The following RASSF5 variants were observed in gnomAD, a reference collection of about 807,000 sequenced individuals.
RASSF5 encodes Ras association domain family member 5.
Under a neutral mutation model 40.5 loss-of-function variants are expected in RASSF5, and 25 were observed. That is an observed-to-expected ratio of 0.62 (90% CI 0.45 to 0.86). RASSF5 has a LOEUF of 0.86. RASSF5 is among the 40% of genes least tolerant of loss of function. The probability of loss-of-function intolerance (pLI) is 0.00; values close to 1 mark genes in which losing one functional copy is unlikely to be tolerated. For missense variants in RASSF5, 521 were observed against 572.8 expected, an observed-to-expected ratio of 0.91 and a Z score of 0.92; for synonymous variants, 246 against 252.4, an observed-to-expected ratio of 0.97 and a Z score of 0.24.
chr1:206,571,926 G>C (rs375356474), intron 2 of RASSF5, among the ~76,000 whole-genome samples: 42 of 152,248 alleles, frequency 2.8e-4, no homozygotes, highest in African/African-American at 9.6e-4. Flanking sequence ...TCAGAAGATT[G>C]AGTGTCACCC....
intron 2 of RASSF5, among the ~76,000 whole-genome samples, chr1:206,546,777 T>A (rs1290612357): frequency 6.6e-6 from 1 of 152,222 alleles, no homozygotes; most frequent in Non-Finnish European, 1.5e-5. Flanking sequence ...ACCAAACCTA[T>A]TTTCTTATGA....
At position 206,584,742 on chromosome 1, in the gene RASSF5, C is replaced by T. The variant is rs1423861260; in HGVS notation, c.988+58C>T. 1.3e-6 allele frequency: 2 copies of T among 1,584,208 alleles called. No individual in the cohort carries two copies. Among genetic ancestry groups the T allele is most frequent in the Admixed American group, 1.7e-5 (1 of 57,874 alleles). On this transcript the variant is annotated intron_variant, in intron 4 of 5. Coordinates refer to ENST00000579436, the MANE Select transcript of RASSF5 (RefSeq NM_182663.4). This position sits in a 1 kb window ranked among gnomAD's most constrained non-coding sequence, Gnocchi z 4.9. ...CCCTTCCTACCTGTGTCCAAGCCCA[C>T]CCACTAAAACTCCTGCCGGCCTTGG...
At position 206,587,370 on chromosome 1, in the gene RASSF5, G is replaced by T. The variant is rs535366520; in HGVS notation, c.*392G>T. 3.5e-5 allele frequency: 11 copies of T among 315,334 alleles called. No homozygotes were observed. In the East Asian group the frequency reaches 9.8e-4, roughly 28 times the overall value. The allele number at this position is 315,334 out of a possible 1,614,324, so 19.5% of individuals were successfully genotyped here. ...TTCTCTGGCATTGATTCCTCTTTGA[G>T]TTCTCTTACTTGCCACGTACAGGAC... On this transcript the variant is annotated 3_prime_UTR_variant, in exon 6 of 6. Transcript: ENST00000579436.
chr1:206,529,161 G>A, intron 1 of RASSF5: 5 of 1,505,908 alleles, frequency 3.3e-6, no homozygotes, highest in Non-Finnish European at 3.6e-6. Flanking sequence ...GTTCACCCAG[G>A]CCCTGGACCG....
intron 2 of RASSF5, 142 bp from the exon 3 acceptor site, chr1:206,583,127 C>T: frequency 1.6e-6 from 1 of 616,068 alleles, no homozygotes; most frequent in African/African-American, 1.8e-5. Context: ...CATTGTCTCA[C>T]TCCGAGTCCG....
At chr1:206,533,959 C>T (rs1192905643) in intron 1 of RASSF5, among the ~76,000 whole-genome samples, 1 of 152,166 alleles carries the variant, frequency 6.6e-6, no homozygotes, top group African/African-American at 2.4e-5. Context: ...AGTCATGCAG[C>T]TGCACACCAA....
chr1:206,557,273 G>A, intron 2 of RASSF5: 3 of 1,162,728 alleles, frequency 2.6e-6, no homozygotes, highest in Admixed American at 4.8e-5. Flanking sequence ...ACACGAAACC[G>A]CAGAGCCCGG....
chr1:206,518,512 A>G (rs1666821064), intron 1 of RASSF5: 1 of 398,642 alleles, frequency 2.5e-6, no homozygotes, highest in Admixed American at 4.4e-5. Context: ...CAGATCCTGC[A>G]GAGGTTCCGC....
chr1:206,566,853 C>G (rs1668303266), intron 2 of RASSF5, among the ~76,000 whole-genome samples: 1 of 152,136 alleles, frequency 6.6e-6, no homozygotes, highest in Admixed American at 6.5e-5. Flanking sequence ...GACCAGGGAC[C>G]ATAGCTTGTT....
intron 1 of RASSF5, among the ~76,000 whole-genome samples, chr1:206,521,228 G>C (rs1250893700): frequency 7.9e-5 from 12 of 152,216 alleles, no homozygotes; most frequent in Non-Finnish European, 1.8e-4. Flanking sequence ...TGGTGGTCCT[G>C]GCTGCAGCGA....
chr1:206,545,351 T>G (rs908877652), intron 2 of RASSF5, among the ~76,000 whole-genome samples: 4 of 150,924 alleles, frequency 2.7e-5, no homozygotes, highest in Middle Eastern at 3.2e-3. Flanking sequence ...TTGTGTTTTT[T>G]TTTTTTTTTT....
rs1553398906 is a variant in RASSF5 at position 206,538,194 on chromosome 1, A to G, written c.480A>G (p.Pro160=). ...CAGACTGTAAATTCACCTGTCACCC[A>G]GAATGCCGCAGCCTGATCCAGTTGG... The part of the protein sequence containing the change: ...RCTNCKFTCH[P]ECRSLIQLDC... Residue 160 remains proline, a synonymous_variant, in exon 2 of 6, where the codon CCA becomes CCG. Transcript: ENST00000579436. 3 of 1,614,214 alleles carry G rather than the reference A, an allele frequency of 1.9e-6. No individual in the cohort carries two copies. Among genetic ancestry groups the G allele is most frequent in the Admixed American group, 3.3e-5 (2 of 60,026 alleles).
chr1:206,578,233 A>AGAGT lies in RASSF5; in HGVS notation c.580-5035_580-5034insAGTG, dbSNP rs782121565. ...AGAGGGAGACATCTCAAAAAAAAAA[A>AGAGT]GTGTGTGTGTGTGTGTGTGTGTGTG... On this transcript the variant is annotated intron_variant, in intron 2 of 5. Transcript: ENST00000579436. Among the ~76,000 whole-genome samples, 771 of 117,584 alleles carry AGAGT rather than the reference A, an allele frequency of 6.6e-3. 9 individuals carry two copies. Among genetic ancestry groups the AGAGT allele is most frequent in the African/African-American group, 0.023 (722 of 31,976 alleles). 77.1% of individuals were successfully genotyped at this position (117,584 alleles called of 152,430 possible). A position where few individuals can be genotyped will look rare whatever the true frequency, so the allele number is the denominator to read the frequency against.
At chr1:206,550,895 A>C (rs1312187268) in intron 2 of RASSF5, among the ~76,000 whole-genome samples, 2 of 152,206 alleles carry the variant, frequency 1.3e-5, no homozygotes, top group Non-Finnish European at 2.9e-5. Flanking sequence ...GCACAAATCC[A>C]TGTGCCTGCC....
At chr1:206,574,345 A>T (rs1668556532) in intron 2 of RASSF5, among the ~76,000 whole-genome samples, 1 of 151,778 alleles carries the variant, frequency 6.6e-6, no homozygotes, top group Admixed American at 6.6e-5. Context: ...TCACCTGCAG[A>T]CTCCCAAGGA....
intron 2 of RASSF5, among the ~76,000 whole-genome samples, chr1:206,562,877 G>C (rs1035549713): frequency 1.3e-5 from 2 of 151,766 alleles, no homozygotes; most frequent in Non-Finnish European, 2.9e-5. Flanking sequence ...AGCCAAGATC[G>C]TGCCACTGCA....
At chr1:206,576,257 T>G (rs1247651724) in intron 2 of RASSF5, among the ~76,000 whole-genome samples, 1 of 152,212 alleles carries the variant, frequency 6.6e-6, no homozygotes, top group Non-Finnish European at 1.5e-5. Context: ...AGCCAGCAGC[T>G]GCAGAGATCT....
intron 2 of RASSF5, among the ~76,000 whole-genome samples, chr1:206,573,456 C>G (rs1055971647): frequency 6.6e-6 from 1 of 152,118 alleles, no homozygotes; most frequent in African/African-American, 2.4e-5. Flanking sequence ...ATCTGGGACG[C>G]CATAGAGGGC....
At chr1:206,530,434 T>C (rs1337109836) in intron 1 of RASSF5, among the ~76,000 whole-genome samples, 1 of 152,158 alleles carries the variant, frequency 6.6e-6, no homozygotes, top group Non-Finnish European at 1.5e-5. Flanking sequence ...ATTGCTAGCA[T>C]TTTGTTGTCA....
Sources: gnomAD v4.1 joint callset for allele counts (sites outside exome capture counted in the v4.1 genomes callset) on GRCh38, gnomAD v4.1.1 for gene constraint, Gnocchi (gnomAD v3.1) non-coding constraint, MANE v1.5 for transcripts, NCBI Gene and HGNC (gene_info 2026-07-23, HGNC 2026-07-21) for gene names.